KCND2: variants seen among roughly 807,000 people sequenced by gnomAD.
KCND2 encodes A-type voltage-gated potassium channel KCND2.
KCND2 carries 16 observed loss-of-function variants against 54.4 expected under a neutral mutation model. The observed-to-expected ratio is 0.29, with a 90% confidence interval of 0.20 to 0.45. The LOEUF is 0.45. Among genes scored for constraint, KCND2 ranks in the 20% least tolerant of loss-of-function variants. KCND2 has a pLI of 1.00. For missense variants in KCND2, 486 were observed against 824.2 expected, an observed-to-expected ratio of 0.59 and a Z score of 5.02; for synonymous variants, 317 against 310.7, an observed-to-expected ratio of 1.02 and a Z score of -0.21.
chr7:120,483,853 T>C (rs78088537), intron 1 of KCND2, among the ~76,000 whole-genome samples: 4,422 of 152,292 alleles, frequency 0.029, 96 homozygotes, highest in Non-Finnish European at 0.044. Context: ...TAAAATTGTT[T>C]CTAGAAGTTT....
intron 1 of KCND2, among the ~76,000 whole-genome samples, chr7:120,512,312 GTTTAT>G (rs1803127468): frequency 6.6e-6 from 1 of 151,630 alleles, no homozygotes; most frequent in South Asian, 2.1e-4. Context: ...ATGTACAGTT[GTTTAT>G]TTTGTTTTAA....
chr7:120,598,943 G>T (rs1792781397), intron 1 of KCND2, among the ~76,000 whole-genome samples: 1 of 151,940 alleles, frequency 6.6e-6, no homozygotes, highest in Admixed American at 6.6e-5. Context: ...TGTTTTACCA[G>T]TTTTACAGTT....
At chr7:120,485,934 C>G (rs1178800041) in intron 1 of KCND2, among the ~76,000 whole-genome samples, 2 of 152,142 alleles carry the variant, frequency 1.3e-5, no homozygotes, top group East Asian at 1.9e-4. Context: ...TAAATAAATG[C>G]ATGAACAGGT....
rs910055162 is a variant in KCND2, at chr7:120,668,212, G to A, written c.1116-64691G>A. ...TTTTCTTCCTCAAAAAATTTCACAC[G>A]TCGATGGTAACATAAAGTTCCGTAA... On this transcript the variant is annotated intron_variant, in intron 1 of 5. Transcript: ENST00000331113. Among the ~76,000 whole-genome samples the A allele has an allele frequency of 3.3e-5, 5 of 151,896 alleles. No individual in the cohort carries two copies. In the South Asian group the frequency reaches 6.2e-4, roughly 19 times the overall value.
At chr7:120,704,112 C>A (rs1032644982) in intron 1 of KCND2, among the ~76,000 whole-genome samples, 7 of 152,156 alleles carry the variant, frequency 4.6e-5, no homozygotes, top group African/African-American at 1.7e-4. Flanking sequence ...ACTATCCAGT[C>A]CTGTCTACTC....
chr7:120,659,187 C>G (rs926639117), intron 1 of KCND2, among the ~76,000 whole-genome samples: 3 of 152,158 alleles, frequency 2.0e-5, no homozygotes, highest in African/African-American at 7.2e-5. Flanking sequence ...CATTCAAACT[C>G]AAGAGACTTC....
At chr7:120,281,700 C>T (rs1799266351) in intron 1 of KCND2, among the ~76,000 whole-genome samples, 1 of 152,140 alleles carries the variant, frequency 6.6e-6, no homozygotes, top group Admixed American at 6.6e-5. Context: ...TGTATACCTT[C>T]TGGGGAGTTA....
At chr7:120,381,977 A>G (rs1186115814) in intron 1 of KCND2, among the ~76,000 whole-genome samples, 3 of 150,784 alleles carry the variant, frequency 2.0e-5, no homozygotes, top group Non-Finnish European at 4.5e-5. Context: ...AGATAAGAGC[A>G]TAGTTGGTAG....
intron 1 of KCND2, among the ~76,000 whole-genome samples, chr7:120,421,282 A>G (rs560503094): frequency 1.3e-5 from 2 of 152,294 alleles, no homozygotes; most frequent in Middle Eastern, 3.4e-3. Flanking sequence ...GCAATTCTAA[A>G]TGTAGATAAC....
intron 1 of KCND2, among the ~76,000 whole-genome samples, chr7:120,649,871 A>G (rs1193029506): frequency 2.0e-5 from 3 of 152,190 alleles, no homozygotes; most frequent in Non-Finnish European, 2.9e-5. Flanking sequence ...TCCTTCACTT[A>G]ATAAGCTTAG....
At chr7:120,396,295 C>T (rs1445301032) in intron 1 of KCND2, among the ~76,000 whole-genome samples, 3 of 151,950 alleles carry the variant, frequency 2.0e-5, no homozygotes, top group African/African-American at 7.2e-5. Context: ...ATGTGAGACT[C>T]TGTAGAACTT....
chr7:120,658,454 G>A (rs544709381), intron 1 of KCND2, among the ~76,000 whole-genome samples: 1 of 152,256 alleles, frequency 6.6e-6, no homozygotes, highest in East Asian at 1.9e-4. Flanking sequence ...AGCATAAGTG[G>A]CAAGCAGTTC....
At chr7:120,349,572 G>A (rs1800372930) in intron 1 of KCND2, among the ~76,000 whole-genome samples, 1 of 152,106 alleles carries the variant, frequency 6.6e-6, no homozygotes. Flanking sequence ...CATTCATGCT[G>A]ATAATTCAGA....
chr7:120,506,068 A>T (rs1490438143), intron 1 of KCND2, among the ~76,000 whole-genome samples: 1 of 151,752 alleles, frequency 6.6e-6, no homozygotes, highest in African/African-American at 2.4e-5. Context: ...TTTAAGGAAA[A>T]AACACAATCT....
chr7:120,429,810 G>A (rs1027057815), intron 1 of KCND2, among the ~76,000 whole-genome samples: 3 of 152,120 alleles, frequency 2.0e-5, no homozygotes, highest in Non-Finnish European at 4.4e-5. Context: ...GCCACCATAA[G>A]CTTGACATCT....
At chr7:120,418,319 A>G (rs1359936756) in intron 1 of KCND2, among the ~76,000 whole-genome samples, 2 of 152,190 alleles carry the variant, frequency 1.3e-5, no homozygotes, top group South Asian at 2.1e-4. Context: ...CACAAGACAG[A>G]GTGTTTGGGA....
intron 1 of KCND2, among the ~76,000 whole-genome samples, chr7:120,291,886 T>A (rs1249931134): frequency 6.6e-6 from 1 of 151,906 alleles, no homozygotes; most frequent in Non-Finnish European, 1.5e-5. Flanking sequence ...ACATAGAAAT[T>A]GCAATGACAT....
chr7:120,501,595 G>A (rs1802936302), intron 1 of KCND2, among the ~76,000 whole-genome samples: 1 of 152,116 alleles, frequency 6.6e-6, no homozygotes, highest in Non-Finnish European at 1.5e-5. Flanking sequence ...TTGTAAAAGT[G>A]AAGAATATAT....
intron 1 of KCND2, among the ~76,000 whole-genome samples, chr7:120,424,683 C>G (rs1025810779): frequency 1.3e-5 from 2 of 152,162 alleles, no homozygotes; most frequent in African/African-American, 4.8e-5. Context: ...ATTTCATCTT[C>G]TACTTCATAC....
Sources: allele counts gnomAD v4.1 joint callset (sites outside exome capture counted in the v4.1 genomes callset), GRCh38; gene constraint gnomAD v4.1.1; transcripts MANE v1.5; gene names NCBI Gene and HGNC (gene_info 2026-07-23, HGNC 2026-07-21).